The following MEF2C variants were observed in gnomAD, a reference collection of about 807,000 sequenced individuals.
The protein encoded by MEF2C is myocyte-specific enhancer factor 2C.
Under a neutral mutation model 50.5 loss-of-function variants are expected in MEF2C, and 6 were observed. That is an observed-to-expected ratio of 0.12 (90% CI 0.07 to 0.23). The LOEUF (loss-of-function observed/expected upper bound fraction) is 0.23, where lower values mean the gene tolerates loss of function less well. Among genes scored for constraint, MEF2C ranks in the 10% least tolerant of loss-of-function variants. The pLI is 1.00. For synonymous variants in MEF2C, 183 were observed against 228.0 expected (o/e 0.80, Z 1.78); for missense variants, 276 against 605.0 (o/e 0.46, Z 5.70).
At chr5:88,894,572 G>T (rs940549648) in intron 1 of MEF2C, among the ~76,000 whole-genome samples, 8 of 152,296 alleles carry the variant, frequency 5.3e-5, no homozygotes, top group Middle Eastern at 3.4e-3. Context: ...CATTAAGGAT[G>T]AATTTTTTCC....
intron 3 of MEF2C, among the ~76,000 whole-genome samples, chr5:88,767,431 A>G (rs781694548): frequency 6.6e-6 from 1 of 152,194 alleles, no homozygotes; most frequent in Non-Finnish European, 1.5e-5. Flanking sequence ...TTAATATATT[A>G]AATCTAGTAT....
intron 3 of MEF2C, among the ~76,000 whole-genome samples, chr5:88,803,085 T>C (rs745518573): frequency 6.6e-6 from 1 of 152,224 alleles, no homozygotes; most frequent in Non-Finnish European, 1.5e-5. Flanking sequence ...AGTGTTCACC[T>C]TCATATTTTT....
intron 3 of MEF2C, among the ~76,000 whole-genome samples, chr5:88,779,708 T>C (rs1786806437): frequency 6.6e-6 from 1 of 151,316 alleles, no homozygotes; most frequent in Non-Finnish European, 1.5e-5. Context: ...TTTATCTTTT[T>C]CCCCCAGAAA....
intron 3 of MEF2C, among the ~76,000 whole-genome samples, chr5:88,774,088 A>G (rs1366960587): frequency 1.3e-5 from 2 of 152,236 alleles, no homozygotes; most frequent in Admixed American, 6.5e-5. Flanking sequence ...TCTCTAGTGA[A>G]CAAGAGGCAG....
intron 1 of MEF2C, among the ~76,000 whole-genome samples, chr5:88,843,711 A>T (rs1468515880): frequency 6.6e-6 from 1 of 152,140 alleles, no homozygotes; most frequent in Non-Finnish European, 1.5e-5. Context: ...ATTCTATTTC[A>T]AGTTGGAAAC....
chr5:88,790,295 T>C (rs10462476), intron 3 of MEF2C, among the ~76,000 whole-genome samples: 88,177 of 152,010 alleles, frequency 0.58, 27,387 homozygotes, highest in Non-Finnish European at 0.71. Context: ...AGACACACTT[T>C]CAAATTCCAT....
intron 5 of MEF2C, chr5:88,750,074 G>A: frequency 3.1e-6 from 2 of 645,250 alleles, no homozygotes; most frequent in Non-Finnish European, 3.8e-6. Flanking sequence ...ACAACATTCA[G>A]CCAAAAGAAT....
At chr5:88,894,513 G>T (rs931876099) in intron 1 of MEF2C, among the ~76,000 whole-genome samples, 6 of 152,092 alleles carry the variant, frequency 3.9e-5, no homozygotes, top group Admixed American at 2.0e-4. Context: ...TCTCCTCAGG[G>T]ATTTGCTACA....
At chr5:88,821,050 C>A (rs1282341052) in intron 2 of MEF2C, among the ~76,000 whole-genome samples, 1 of 151,522 alleles carries the variant, frequency 6.6e-6, no homozygotes, top group Non-Finnish European at 1.5e-5. Flanking sequence ...ATAAATATAC[C>A]CTAAATTCTA....
chr5:88,733,696 A>C, intron 6 of MEF2C: 1 of 985,336 alleles, frequency 1.0e-6, no homozygotes, highest in Non-Finnish European at 1.2e-6. Context: ...TTATGCATGA[A>C]TAAACAGGCT....
intron 2 of MEF2C, among the ~76,000 whole-genome samples, chr5:88,821,904 A>G (rs2077930967): frequency 6.6e-6 from 1 of 151,950 alleles, no homozygotes; most frequent in Admixed American, 6.6e-5. Flanking sequence ...AAAGTAATTA[A>G]AAGAGTAGAA....
intron 6 of MEF2C, chr5:88,735,005 AT>A (rs1763520821): frequency 1.0e-6 from 1 of 985,280 alleles, no homozygotes; most frequent in Non-Finnish European, 1.2e-6. Context: ...TTGGAGCCGT[AT>A]AATAACCATT....
At position 88,740,744 on chromosome 5, in the gene MEF2C, T is replaced by C. The variant is rs923008273; in HGVS notation, c.637+8326A>G. On this transcript the variant is annotated intron_variant, in intron 6 of 10. Transcript: ENST00000504921. ...GATTTACTGAAGGGATAGTTTTTAA[T>C]TGCACCATAAAAATGCTATTGAACC... The C allele has an allele frequency of 5.1e-6, 5 of 985,306 alleles. No individual in the cohort carries two copies. The South Asian group carries it at 1.9e-4, about 37-fold the overall frequency. 61.0% of individuals were successfully genotyped at this position (985,306 alleles called of 1,614,324 possible).
chr5:88,898,191 CT>C (rs1561499862), intron 1 of MEF2C, among the ~76,000 whole-genome samples: 2 of 152,024 alleles, frequency 1.3e-5, no homozygotes, highest in Non-Finnish European at 2.9e-5. Flanking sequence ...TAAGATGAAT[CT>C]TGATTCAAAA....
chr5:88,850,868 C>T (rs898278413), intron 1 of MEF2C, among the ~76,000 whole-genome samples: 5 of 151,996 alleles, frequency 3.3e-5, no homozygotes, highest in African/African-American at 1.2e-4. Context: ...GACAGCAAGA[C>T]CAACCCCTCT....
At chr5:88,771,721 G>C in intron 3 of MEF2C, 1 of 502,302 alleles carries the variant, frequency 2.0e-6, no homozygotes, top group Non-Finnish European at 2.6e-6. Flanking sequence ...TAATTCAAAT[G>C]AGTTGGGTGG....
chr5:88,750,174 ATGTT>A, intron 5 of MEF2C: 1 of 795,052 alleles, frequency 1.3e-6, no homozygotes. Flanking sequence ...TTAAAAGAAA[ATGTT>A]TGTTTATATA....
intron 1 of MEF2C, among the ~76,000 whole-genome samples, chr5:88,868,567 T>C (rs902839978): frequency 1.3e-5 from 2 of 152,120 alleles, no homozygotes; most frequent in Admixed American, 6.6e-5. Flanking sequence ...AATACTGGCA[T>C]AGTTAGTTAG....
At chr5:88,779,000 A>G (rs1026078227) in intron 3 of MEF2C, among the ~76,000 whole-genome samples, 1 of 152,240 alleles carries the variant, frequency 6.6e-6, no homozygotes, top group Non-Finnish European at 1.5e-5. Context: ...GAGGTTTCCC[A>G]CAGCCGGGCC....
Sources: allele counts gnomAD v4.1 joint callset (sites outside exome capture counted in the v4.1 genomes callset), GRCh38; gene constraint gnomAD v4.1.1; transcripts MANE v1.5; gene names NCBI Gene and HGNC (gene_info 2026-07-23, HGNC 2026-07-21).